NR5A2: variants seen among roughly 807,000 people sequenced by gnomAD.
The protein encoded by NR5A2 is CYP7A promoter-binding factor.
A neutral mutation model predicts 62.7 loss-of-function variants in NR5A2; 26 were observed. The observed-to-expected ratio is 0.41, with a 90% CI of 0.30 to 0.58. The LOEUF is 0.58. Ranked by LOEUF, NR5A2 falls within the 20% of genes least tolerant of loss-of-function variation. NR5A2 has a pLI of 0.22. For synonymous variants in NR5A2, 246 were observed against 241.7 expected, an observed-to-expected ratio of 1.02 and a Z score of -0.16; for missense variants, 541 against 669.1, an observed-to-expected ratio of 0.81 and a Z score of 2.11.
At chr1:200,143,051 G>T (rs1208976691) in intron 7 of NR5A2, among the ~76,000 whole-genome samples, 2 of 152,152 alleles carry the variant, frequency 1.3e-5, no homozygotes, top group East Asian at 3.9e-4. Flanking sequence ...GTGTATGTGT[G>T]TGTGTGTGTG....
At chr1:200,109,770 G>A (rs1665851903) in intron 5 of NR5A2, among the ~76,000 whole-genome samples, 1 of 152,112 alleles carries the variant, frequency 6.6e-6, no homozygotes, top group African/African-American at 2.4e-5. Flanking sequence ...GGGAGAATGA[G>A]AATTCTTATT....
Position 200,039,591 on chromosome 1 carries a change from T to C in NR5A2, c.65-67T>C. The C allele has an allele frequency of 6.2e-7, 1 of 1,601,172 alleles. No homozygotes were observed. ...GCTCCGGCGAGGCGAGAGGGTTGGGTTAGCAGGCATCCCGGTCGCCCCTTC... is the reference window on the plus strand; with the variant it reads ...GCTCCGGCGAGGCGAGAGGGTTGGGCTAGCAGGCATCCCGGTCGCCCCTTC... On this transcript the variant is annotated intron_variant, in intron 1 of 7. Transcript: ENST00000367362. This position sits in a 1 kb window ranked among gnomAD's most constrained non-coding sequence, Gnocchi z 5.1.
chr1:200,127,687 A>ATATATAT (rs1390979970), intron 7 of NR5A2, among the ~76,000 whole-genome samples: 1 of 56,302 alleles, frequency 1.8e-5, no homozygotes, highest in African/African-American at 6.6e-5. Flanking sequence ...AAAAAAAAAA[A>ATATATAT]AAAAAAAAAA....
At chr1:200,124,974 T>C (rs750399822) in intron 7 of NR5A2, among the ~76,000 whole-genome samples, 40 of 152,198 alleles carry the variant, frequency 2.6e-4, no homozygotes, top group Non-Finnish European at 5.9e-5. Context: ...CAACTCGTGA[T>C]AGGTAATAGG....
intron 7 of NR5A2, among the ~76,000 whole-genome samples, chr1:200,156,298 G>A (rs1653381562): frequency 6.6e-6 from 1 of 152,210 alleles, no homozygotes; most frequent in African/African-American, 2.4e-5. Context: ...GGAGAGGTCA[G>A]AGCAACTCAG....
intron 7 of NR5A2, among the ~76,000 whole-genome samples, chr1:200,138,543 G>A (rs570489520): frequency 1.3e-5 from 2 of 152,142 alleles, no homozygotes; most frequent in Non-Finnish European, 2.9e-5. Flanking sequence ...AGTGTATTAA[G>A]GCCTTGCTTT....
At chr1:200,062,547 T>G (rs1273480733) in intron 5 of NR5A2, among the ~76,000 whole-genome samples, 1 of 152,244 alleles carries the variant, frequency 6.6e-6, no homozygotes, top group Non-Finnish European at 1.5e-5. Flanking sequence ...GATTAGTGTT[T>G]GTGCAGAAGT....
At chr1:200,167,222 C>A (rs892892180) in intron 7 of NR5A2, among the ~76,000 whole-genome samples, 2 of 152,134 alleles carry the variant, frequency 1.3e-5, no homozygotes, top group African/African-American at 2.4e-5. Flanking sequence ...ATTCCATGTG[C>A]CCCTTAAATT....
At chr1:200,154,227 G>T (rs868753625) in intron 7 of NR5A2, among the ~76,000 whole-genome samples, 1 of 152,180 alleles carries the variant, frequency 6.6e-6, no homozygotes, top group African/African-American at 2.4e-5. Flanking sequence ...AGTTGTGTGT[G>T]TGTGTAAGCA....
In NR5A2 at chr1:200,173,985, C is replaced by G. The variant is rs1654304011; in HGVS notation, c.1401C>G (p.Phe467Leu). The G allele has an allele frequency of 2.1e-6, 3 of 1,459,060 alleles. No individual in the cohort carries two copies. The highest frequency in any genetic ancestry group is 2.7e-6 in the Non-Finnish European group (3 of 1,098,454). The allele number at this position is 1,459,060 out of a possible 1,614,324, so 90.4% of individuals were successfully genotyped here. ...CAGATGTCAAAAACCTTGAAAACTT[C>G]CAGCTGGTAGAAGGTGTCCAGGAAC... Reference protein sequence around the residue: ...FSLDVKNLENFQLVEGVQEQV... With the variant: ...FSLDVKNLENLQLVEGVQEQV... Residue 467 changes from phenylalanine (F) to leucine (L), a missense_variant, in exon 8 of 8, where the codon TTC becomes TTG. By Grantham distance (22) the Phe-to-Leu change is conservative (BLOSUM62 0). Around this residue, in one of 3 missense-constraint regions of NR5A2, gnomAD observed 379 missense variants for 442.0 expected, o/e 0.86. Coordinates refer to ENST00000367362, the MANE Select transcript of NR5A2 (RefSeq NM_205860.3).
chr1:200,128,704 G>C (rs957870345), intron 7 of NR5A2, among the ~76,000 whole-genome samples: 3 of 152,112 alleles, frequency 2.0e-5, no homozygotes, highest in African/African-American at 7.2e-5. Context: ...AGGGTGGAGT[G>C]GGGGTGGTGG....
chr1:200,097,779 G>A (rs1236214332), intron 5 of NR5A2, among the ~76,000 whole-genome samples: 7 of 152,168 alleles, frequency 4.6e-5, no homozygotes, highest in Non-Finnish European at 1.0e-4. Flanking sequence ...TGTATGTTGG[G>A]TGGGAATGGG....
chr1:200,147,888 GGC>G lies in NR5A2; in HGVS notation c.1379-26069_1379-26068del. 1 of 400,322 alleles carries G rather than the reference GGC, an allele frequency of 2.5e-6. No individual in the cohort carries two copies. The highest frequency in any genetic ancestry group is 4.6e-6 in the Non-Finnish European group (1 of 215,650). 24.8% of individuals were successfully genotyped at this position (400,322 alleles called of 1,614,324 possible). A position where few individuals can be genotyped will look rare whatever the true frequency, so the allele number is the denominator to read the frequency against. On this transcript the variant is annotated intron_variant, in intron 7 of 7. Coordinates refer to ENST00000367362, the MANE Select transcript of NR5A2 (RefSeq NM_205860.3). This position sits in a 1 kb window ranked among gnomAD's most constrained non-coding sequence, Gnocchi z 4.9. ...AGGCGCAGTCCCCGGAGCGGTGGCC[GGC>G]GCGCGGGGAGAAGCTGCGGGCTGTG...
chr1:200,057,511 C>G (rs1485645653), intron 5 of NR5A2: 1 of 243,038 alleles, frequency 4.1e-6, no homozygotes. Context: ...CAGGGTCTCA[C>G]TCTGTCGCCC....
chr1:200,030,653 G>C (rs1018180934), intron 1 of NR5A2, among the ~76,000 whole-genome samples: 2 of 152,142 alleles, frequency 1.3e-5, no homozygotes, highest in Non-Finnish European at 2.9e-5. Context: ...TGTGTGGTAG[G>C]AAATGTTATA....
At chr1:200,159,636 ATTAT>A (rs1441506032) in intron 7 of NR5A2, among the ~76,000 whole-genome samples, 1 of 135,804 alleles carries the variant, frequency 7.4e-6, no homozygotes, top group African/African-American at 2.7e-5. Flanking sequence ...GATTTTTTAA[ATTAT>A]TTATTATTAT....
intron 6 of NR5A2, among the ~76,000 whole-genome samples, chr1:200,116,103 A>G (rs1324779792): frequency 1.3e-5 from 2 of 152,168 alleles, no homozygotes; most frequent in African/African-American, 4.8e-5. Flanking sequence ...GAGATTGGCA[A>G]ATAGGAATAT....
intron 7 of NR5A2, among the ~76,000 whole-genome samples, chr1:200,166,760 A>G (rs1249113015): frequency 6.6e-6 from 1 of 152,226 alleles, no homozygotes; most frequent in Non-Finnish European, 1.5e-5. Context: ...TCTTACTAGC[A>G]TTAAAATCCT....
chr1:200,166,880 A>G (rs1470527041), intron 7 of NR5A2, among the ~76,000 whole-genome samples: 4 of 152,224 alleles, frequency 2.6e-5, no homozygotes, highest in Admixed American at 1.3e-4. Context: ...AACATATGTT[A>G]AAGACACTTG....
Sources: gnomAD v4.1 joint callset for allele counts (sites outside exome capture counted in the v4.1 genomes callset) on GRCh38, gnomAD v4.1.1 for gene constraint, gnomAD v4.1.1 regional missense constraint, Gnocchi (gnomAD v3.1) non-coding constraint, MANE v1.5 for transcripts, NCBI Gene and HGNC (gene_info 2026-07-23, HGNC 2026-07-21) for gene names.